PRKCH: variants seen among roughly 807,000 people sequenced by gnomAD.
PRKCH encodes the protein protein kinase C eta.
Under a neutral mutation model 82.5 loss-of-function variants are expected in PRKCH, and 28 were observed. The ratio of observed to expected loss-of-function variants is 0.34; its 90% CI spans 0.25 to 0.47. The LOEUF (loss-of-function observed/expected upper bound fraction) is 0.47. PRKCH is among the 20% of genes least tolerant of loss of function. The pLI is 1.00. For missense variants in PRKCH, 705 were observed against 881.8 expected, an observed-to-expected ratio of 0.80 and a Z score of 2.54; for synonymous variants, 322 against 327.4, an observed-to-expected ratio of 0.98 and a Z score of 0.18.
chr14:61,326,371 A>G (rs1207425867), intron 1 of PRKCH, among the ~76,000 whole-genome samples: 2 of 152,212 alleles, frequency 1.3e-5, no homozygotes, highest in South Asian at 2.1e-4. Flanking sequence ...AAAATTCTAG[A>G]AATGAAAAGG....
chr14:61,418,496 A>C (rs1882675359), intron 2 of PRKCH, among the ~76,000 whole-genome samples: 1 of 152,208 alleles, frequency 6.6e-6, no homozygotes, highest in Non-Finnish European at 1.5e-5. Context: ...ACTTAGAGAG[A>C]TGTATCGTGT....
At position 61,549,785 on chromosome 14, in the gene PRKCH, A is replaced by G. The variant is rs1423280524; in HGVS notation, c.2006A>G (p.Asp669Gly). The G allele has an allele frequency of 6.2e-7, 1 of 1,614,086 alleles. No homozygotes were observed. The highest frequency in any genetic ancestry group is 8.5e-7 in the Non-Finnish European group (1 of 1,180,018). ...GGACATCTTCCAATGATTAACCAGG[A>G]TGAGTTTAGAAACTTTTCCTATGTG... ...DEGHLPMINQ[D>G]EFRNFSYVSP... Residue 669 changes from aspartate to glycine, a missense_variant, in exon 14 of 14, where the codon GAT (aspartate) becomes GGT (glycine). Physicochemically the swap from Asp to Gly is moderately conservative, Grantham distance 94. Coordinates refer to ENST00000332981, the MANE Select transcript of PRKCH (RefSeq NM_006255.5).
intron 9 of PRKCH, chr14:61,477,292 A>T (rs2140319263): frequency 6.6e-6 from 1 of 152,380 alleles, no homozygotes; most frequent in African/African-American, 2.4e-5. Flanking sequence ...GCCTTAAAGC[A>T]ATAGCTACAT....
At chr14:61,368,360 C>G (rs1383399480) in intron 1 of PRKCH, among the ~76,000 whole-genome samples, 1 of 151,974 alleles carries the variant, frequency 6.6e-6, no homozygotes, top group Admixed American at 6.5e-5. Context: ...GATGATCTTG[C>G]CTTTGAGCCT....
At chr14:61,272,341 T>A (rs1261169092) in intron 1 of PRKCH, among the ~76,000 whole-genome samples, 6 of 9,362 alleles carry the variant, frequency 6.4e-4, no homozygotes, top group African/African-American at 1.7e-3. Context: ...TTCTTTTTTC[T>A]TTCTTTTTTT....
chr14:61,315,512 A>G (rs565182304), intron 1 of PRKCH, among the ~76,000 whole-genome samples: 1 of 152,318 alleles, frequency 6.6e-6, no homozygotes, highest in South Asian at 2.1e-4. Flanking sequence ...AGGAAATTAT[A>G]ATACAGAAGC....
chr14:61,344,632 A>G (rs1358772505), intron 1 of PRKCH, among the ~76,000 whole-genome samples: 1 of 152,096 alleles, frequency 6.6e-6, no homozygotes, highest in East Asian at 1.9e-4. Flanking sequence ...AGCTGCAGGT[A>G]CGCCTCGGGT....
At chr14:61,281,387 C>T (rs957577825) in intron 1 of PRKCH, 9 of 336,664 alleles carry the variant, frequency 2.7e-5, no homozygotes, top group African/African-American at 1.5e-4. Flanking sequence ...TGCACCCCCG[C>T]GGGTCACCGG....
intron 9 of PRKCH, among the ~76,000 whole-genome samples, chr14:61,469,768 T>C (rs886249575): frequency 6.6e-6 from 1 of 152,186 alleles, no homozygotes; most frequent in African/African-American, 2.4e-5. Context: ...GAAACAGCCA[T>C]GTCAACATAA....
intron 1 of PRKCH, among the ~76,000 whole-genome samples, chr14:61,329,961 G>A (rs1162720077): frequency 6.6e-6 from 1 of 152,192 alleles, no homozygotes. Flanking sequence ...ACTATTACAT[G>A]TTTCTATTTG....
chr14:61,222,928 G>A (rs1238373653), intron 1 of PRKCH, among the ~76,000 whole-genome samples: 1 of 152,126 alleles, frequency 6.6e-6, no homozygotes, highest in Non-Finnish European at 1.5e-5. Context: ...TAACATTTAA[G>A]AGACTTGGAA....
At chr14:61,527,516 T>C (rs1404622230) in intron 10 of PRKCH, among the ~76,000 whole-genome samples, 1 of 152,182 alleles carries the variant, frequency 6.6e-6, no homozygotes, top group Non-Finnish European at 1.5e-5. Flanking sequence ...TCCATTCCAT[T>C]CATCACTGTC....
At chr14:61,328,109 G>T (rs1205742307) in intron 1 of PRKCH, among the ~76,000 whole-genome samples, 1 of 151,588 alleles carries the variant, frequency 6.6e-6, no homozygotes, top group African/African-American at 2.4e-5. Context: ...AATTAGCCGG[G>T]CGCGGTGGCG....
rs1323000039 is a variant in PRKCH at position 61,549,992 on chromosome 14, A to T, written c.*161A>T. The T allele has an allele frequency of 1.4e-6, 1 of 723,724 alleles. No individual in the cohort carries two copies. The highest frequency in any genetic ancestry group is 2.6e-5 in the East Asian group (1 of 37,850). The allele number at this position is 723,724 out of a possible 1,614,324, so 44.8% of individuals were successfully genotyped here. ...TGAAGGATGGAACTTTCAGATATCAACTATTTAGAGTCCAGAGGGAGCCAT... is the reference window on the plus strand; with the variant it reads ...TGAAGGATGGAACTTTCAGATATCATCTATTTAGAGTCCAGAGGGAGCCAT... On this transcript the variant is annotated 3_prime_UTR_variant, in exon 14 of 14. Transcript: ENST00000332981.
chr14:61,547,787 G>A lies in PRKCH; in HGVS notation c.1806G>A (p.Gln602=). The A allele has an allele frequency of 6.2e-7, 1 of 1,614,190 alleles. No homozygotes were observed. Among genetic ancestry groups the A allele is most frequent in the Non-Finnish European group, 8.5e-7 (1 of 1,180,030 alleles). The change falls in exon 13 of 14, where the codon CAG becomes CAA. Residue 602 remains glutamine, a synonymous_variant. Coordinates refer to ENST00000332981, the MANE Select transcript of PRKCH (RefSeq NM_006255.5). ...NPTMRLGSLT[Q]GGEHAILRHP... is the part of the protein sequence containing the mutation. ...CCATGCGCTTGGGCAGCCTGACTCA[G>A]GGAGGCGAGCACGCCATCTTGAGAC...
chr14:61,279,012 C>CACACACACA (rs61512805), intron 1 of PRKCH: 3 of 147,548 alleles, frequency 2.0e-5, no homozygotes, highest in Non-Finnish European at 4.5e-5. Context: ...CACACACACA[C>CACACACACA]AATGACAAAG....
At chr14:61,189,194 GGAA>G (rs1389242108) in intron 1 of PRKCH, among the ~76,000 whole-genome samples, 2 of 152,216 alleles carry the variant, frequency 1.3e-5, no homozygotes, top group East Asian at 3.9e-4. Context: ...CCCTACAGGG[GGAA>G]GCCCGCCGGT....
intron 10 of PRKCH, among the ~76,000 whole-genome samples, chr14:61,487,319 A>C (rs902348236): frequency 2.6e-5 from 4 of 152,156 alleles, no homozygotes; most frequent in African/African-American, 9.7e-5. Context: ...GCAGTCTAGG[A>C]TCTCTGCTCG....
chr14:61,515,115 A>G (rs1049808337), intron 10 of PRKCH, among the ~76,000 whole-genome samples: 1 of 152,234 alleles, frequency 6.6e-6, no homozygotes, highest in African/African-American at 2.4e-5. Flanking sequence ...TTATCACACC[A>G]CTGAGTGTCA....
Sources: allele counts gnomAD v4.1 joint callset (sites outside exome capture counted in the v4.1 genomes callset), GRCh38; gene constraint gnomAD v4.1.1; transcripts MANE v1.5; gene names NCBI Gene and HGNC (gene_info 2026-07-23, HGNC 2026-07-21).